Variants in CD38 observed in about 807,000 individuals in gnomAD.
CD38 encodes ADP-ribosyl cyclase/cyclic ADP-ribose hydrolase 1.
CD38 carries 31 observed loss-of-function variants against 36.3 expected under a neutral mutation model. That is an observed-to-expected ratio of 0.85 (90% CI 0.64 to 1.15). The LOEUF is 1.15. Among genes scored for constraint, CD38 ranks in the 50% most tolerant of loss-of-function variants. The probability of loss-of-function intolerance (pLI) is 0.00; values close to 1 mark genes in which losing one functional copy is unlikely to be tolerated. For missense variants in CD38, 380 were observed against 371.9 expected (o/e 1.02, Z -0.18); for synonymous variants, 131 against 135.2 (o/e 0.97, Z 0.22).
rs960585925 is a variant in CD38, at chr4:15,793,259, T to C, written c.233+14612T>C. Among the ~76,000 whole-genome samples the C allele has an allele frequency of 6.1e-5, 9 of 148,456 alleles. No homozygotes were observed. In the East Asian group the frequency reaches 1.7e-3, roughly 29 times the overall value. Reference sequence around the variant, plus strand: ...TACTGTGTTTTTCATAACTTTCTGATTTTTTTAGTATCCAATGCTAGAAAA... The same window carrying C: ...TACTGTGTTTTTCATAACTTTCTGACTTTTTTAGTATCCAATGCTAGAAAA... On this transcript the variant is annotated intron_variant, in intron 1 of 7. Coordinates refer to ENST00000226279, the MANE Select transcript of CD38 (RefSeq NM_001775.4).
intron 7 of CD38, among the ~76,000 whole-genome samples, chr4:15,847,778 T>C (rs1303938502): frequency 6.6e-6 from 1 of 152,184 alleles, no homozygotes; most frequent in East Asian, 1.9e-4. Flanking sequence ...ATTAACCTTT[T>C]TCTCATAAAT....
chr4:15,824,282 A>T (rs1723799544), intron 2 of CD38, among the ~76,000 whole-genome samples: 1 of 152,180 alleles, frequency 6.6e-6, no homozygotes, highest in Non-Finnish European at 1.5e-5. Flanking sequence ...CACATCCTGC[A>T]TGTATACCCT....
chr4:15,840,102 G>T lies in CD38; in HGVS notation c.736G>T (p.Gly246Ter). 6.2e-7 allele frequency: 1 copy of T among 1,609,818 alleles called. No homozygotes were observed. ...ACTAGAGGCCTGGGTGATACATGGTGGAAGAGAAGATTCCAGGTATATCTT... is the reference window on the plus strand; with the variant it reads ...ACTAGAGGCCTGGGTGATACATGGTTGAAGAGAAGATTCCAGGTATATCTT... ...QTLEAWVIHG[G>*]REDSRDLCQD... Residue 246 changes from glycine to a stop codon, truncating the protein, a stop_gained, in exon 6 of 8, where the codon GGA becomes TGA. Transcript: ENST00000226279. LOFTEE classifies it high-confidence loss of function.
At chr4:15,833,264 G>GC (rs1392667689) in intron 3 of CD38, among the ~76,000 whole-genome samples, 47 of 152,168 alleles carry the variant, frequency 3.1e-4, no homozygotes, top group African/African-American at 9.4e-4. Flanking sequence ...CTCACCCAAG[G>GC]CCCATGACAT....
chr4:15,807,806 A>T (rs1723374964), intron 1 of CD38, among the ~76,000 whole-genome samples: 1 of 152,234 alleles, frequency 6.6e-6, no homozygotes, highest in South Asian at 2.1e-4. Context: ...CCTTAGCAGG[A>T]TGTCCTTGAT....
At chr4:15,783,674 A>C (rs1298835610) in intron 1 of CD38, among the ~76,000 whole-genome samples, 7 of 152,182 alleles carry the variant, frequency 4.6e-5, no homozygotes, top group Non-Finnish European at 1.0e-4. Flanking sequence ...AATCAGAGAA[A>C]ATCTTTCATC....
chr4:15,848,745 C>A lies in CD38; in HGVS notation c.*143C>A. The A allele has an allele frequency of 1.8e-6, 1 of 570,294 alleles. No individual in the cohort carries two copies. The allele number at this position is 570,294 out of a possible 1,614,324, so 35.3% of individuals were successfully genotyped here. ...CAATGCCAGAGACGGAAGCCTTTTT[C>A]CCCAAAGTCTTAAAATAACTTATAT... On this transcript the variant is annotated 3_prime_UTR_variant, in exon 8 of 8. Transcript: ENST00000226279.
At chr4:15,795,547 G>C (rs1414045089) in intron 1 of CD38, among the ~76,000 whole-genome samples, 1 of 151,978 alleles carries the variant, frequency 6.6e-6, no homozygotes, top group Non-Finnish European at 1.5e-5. Flanking sequence ...ATATAGAAAA[G>C]AATGTAAAAT....
intron 1 of CD38, among the ~76,000 whole-genome samples, chr4:15,784,770 G>A (rs1416177949): frequency 6.6e-6 from 1 of 152,088 alleles, no homozygotes; most frequent in African/African-American, 2.4e-5. Flanking sequence ...AAGAATCTTA[G>A]GTGCAGGCGA....
At chr4:15,803,803 T>TTCCC (rs1363879431) in intron 1 of CD38, among the ~76,000 whole-genome samples, 1 of 152,058 alleles carries the variant, frequency 6.6e-6, no homozygotes, top group African/African-American at 2.4e-5. Flanking sequence ...TCCTTCCTCC[T>TTCCC]TCCCTCCCTC....
chr4:15,821,983 G>T (rs1209655524), intron 2 of CD38, among the ~76,000 whole-genome samples: 1 of 152,060 alleles, frequency 6.6e-6, no homozygotes, highest in Non-Finnish European at 1.5e-5. Flanking sequence ...ACATCAAAAA[G>T]CTTATCCACC....
intron 1 of CD38, among the ~76,000 whole-genome samples, chr4:15,797,579 C>T (rs1325083369): frequency 1.3e-5 from 2 of 152,172 alleles, no homozygotes; most frequent in Middle Eastern, 6.3e-3. Context: ...TAAAGTACTA[C>T]AAGCCGGGTG....
At chr4:15,836,585 G>A (rs763741775) in intron 4 of CD38, among the ~76,000 whole-genome samples, 1 of 152,224 alleles carries the variant, frequency 6.6e-6, no homozygotes, top group Non-Finnish European at 1.5e-5. Flanking sequence ...AGACTCAGAA[G>A]TTAAGTGACT....
intron 1 of CD38, among the ~76,000 whole-genome samples, chr4:15,807,952 C>G (rs1723379304): frequency 6.6e-6 from 1 of 152,110 alleles, no homozygotes. Flanking sequence ...GTGAGGAACC[C>G]CACGAAACCT....
At chr4:15,807,103 G>A (rs1407865420) in intron 1 of CD38, among the ~76,000 whole-genome samples, 1 of 152,198 alleles carries the variant, frequency 6.6e-6, no homozygotes, top group Non-Finnish European at 1.5e-5. Context: ...AGGACACTCA[G>A]CGTAGAGACT....
chr4:15,833,484 ATTAT>A (rs1723998410), intron 3 of CD38, among the ~76,000 whole-genome samples: 2 of 152,186 alleles, frequency 1.3e-5, no homozygotes, highest in African/African-American at 4.8e-5. Flanking sequence ...CTCCACAATA[ATTAT>A]TTATATCTAC....
chr4:15,830,598 G>A (rs1215430630), intron 3 of CD38, among the ~76,000 whole-genome samples: 1 of 152,004 alleles, frequency 6.6e-6, no homozygotes, highest in African/African-American at 2.4e-5. Flanking sequence ...TTAACTTGAT[G>A]TGATCCTGTT....
chr4:15,835,384 T>A (rs897585366), intron 4 of CD38, among the ~76,000 whole-genome samples: 5 of 124,330 alleles, frequency 4.0e-5, no homozygotes, highest in African/African-American at 1.8e-4. Flanking sequence ...TTTTTTTTTT[T>A]TTTTTTTTTT....
intron 1 of CD38, among the ~76,000 whole-genome samples, chr4:15,804,415 G>A (rs371826873): frequency 1.3e-5 from 2 of 152,224 alleles, no homozygotes; most frequent in African/African-American, 2.4e-5. Context: ...CAGTAATCTC[G>A]CTACTGGACC....
Sources: gnomAD v4.1 joint callset for allele counts (sites outside exome capture counted in the v4.1 genomes callset) on GRCh38, gnomAD v4.1.1 for gene constraint, MANE v1.5 for transcripts, NCBI Gene and HGNC (gene_info 2026-07-23, HGNC 2026-07-21) for gene names.